Variants in AHCY observed in about 807,000 individuals in gnomAD.
The protein encoded by AHCY is S-adenosyl-L-homocysteine hydrolase.
AHCY carries 24 observed loss-of-function variants against 45.4 expected under a neutral mutation model. The ratio of observed to expected loss-of-function variants is 0.53; its 90% CI spans 0.38 to 0.74. AHCY has a LOEUF of 0.74. Ranked by LOEUF, AHCY falls within the 30% of genes least tolerant of loss-of-function variation. The pLI is 0.00. For synonymous variants in AHCY, 245 were observed against 235.1 expected (o/e 1.04, Z -0.39); for missense variants, 449 against 594.1 (o/e 0.76, Z 2.54).
At chr20:34,251,565 C>T in the AHCY span, among the ~76,000 whole-genome samples, 100 of 152,280 alleles carry the variant, frequency 6.6e-4, no homozygotes, top group Middle Eastern at 3.4e-3. Flanking sequence ...TGAGCCACCG[C>T]GCCTGACCTT....
At chr20:34,255,597 ATTAG>A in the AHCY span, among the ~76,000 whole-genome samples, 1 of 152,262 alleles carries the variant, frequency 6.6e-6, no homozygotes, top group South Asian at 2.1e-4. Flanking sequence ...ATCATTAATC[ATTAG>A]TTTGTAGCAT....
At chr20:34,291,918 A>G (rs2036409621) in intron 4 of AHCY, among the ~76,000 whole-genome samples, 1 of 152,232 alleles carries the variant, frequency 6.6e-6, no homozygotes, top group African/African-American at 2.4e-5. Flanking sequence ...TCTGCAAATC[A>G]GGTCAAACAC....
At chr20:34,251,624 A>G in the AHCY span, among the ~76,000 whole-genome samples, 3 of 152,214 alleles carry the variant, frequency 2.0e-5, no homozygotes, top group Non-Finnish European at 2.9e-5. Flanking sequence ...CAGGGAGGCA[A>G]GAATTGGAAA....
the AHCY span, among the ~76,000 whole-genome samples, chr20:34,235,501 G>A: frequency 3.9e-5 from 6 of 152,038 alleles, no homozygotes; most frequent in African/African-American, 1.2e-4. Context: ...AAAAGTTCAC[G>A]AAGGTTCTAT....
chr20:34,244,310 C>A, the AHCY span, among the ~76,000 whole-genome samples: 1 of 152,192 alleles, frequency 6.6e-6, no homozygotes, highest in Non-Finnish European at 1.5e-5. Context: ...GTTTCACTTG[C>A]TATTTCCAGG....
the AHCY span, among the ~76,000 whole-genome samples, chr20:34,255,582 T>A: frequency 6.6e-6 from 1 of 152,218 alleles, no homozygotes; most frequent in Non-Finnish European, 1.5e-5. Context: ...TGATTATATA[T>A]GAATATCATT....
chr20:34,302,390 T>C (rs895269411), intron 1 of AHCY: 3 of 162,698 alleles, frequency 1.8e-5, no homozygotes, highest in Non-Finnish European at 2.6e-5. Context: ...GTGTATTCGC[T>C]TGCACACAGT....
intron 1 of AHCY, among the ~76,000 whole-genome samples, chr20:34,297,221 A>C (rs2036602898): frequency 6.6e-6 from 1 of 151,866 alleles, no homozygotes; most frequent in East Asian, 1.9e-4. Context: ...CCGACCCTCC[A>C]CTGCACCGGA....
the AHCY span, among the ~76,000 whole-genome samples, chr20:34,270,248 G>GT: frequency 2.0e-5 from 3 of 149,644 alleles, no homozygotes; most frequent in Non-Finnish European, 3.0e-5. Context: ...TGAAACTCTG[G>GT]TTAAAAAAAA....
At chr20:34,283,353 A>C (rs1003343020) in intron 9 of AHCY, among the ~76,000 whole-genome samples, 1 of 152,126 alleles carries the variant, frequency 6.6e-6, no homozygotes, top group African/African-American at 2.4e-5. Context: ...TGGATCACTC[A>C]TCTCTCAAGG....
chr20:34,302,080 A>T (rs972144977), intron 1 of AHCY: 2 of 723,786 alleles, frequency 2.8e-6, no homozygotes, highest in Non-Finnish European at 3.4e-6. Flanking sequence ...GGCTCACTGC[A>T]ACCTCCGTCT....
chr20:34,297,499 T>C (rs1272831561), intron 1 of AHCY, among the ~76,000 whole-genome samples: 1 of 152,084 alleles, frequency 6.6e-6, no homozygotes, highest in South Asian at 2.1e-4. Flanking sequence ...GGTTTCACCA[T>C]GTTGGCCAGG....
chr20:34,237,898 CAATT>C, the AHCY span, among the ~76,000 whole-genome samples: 1 of 152,060 alleles, frequency 6.6e-6, no homozygotes, highest in Non-Finnish European at 1.5e-5. Context: ...TTTCCTGCAT[CAATT>C]GAGATAATCT....
chr20:34,273,796 G>A, the AHCY span, among the ~76,000 whole-genome samples: 1 of 152,098 alleles, frequency 6.6e-6, no homozygotes, highest in Admixed American at 6.6e-5. Context: ...GTTGGGAGCG[G>A]GTATTGGGTT....
chr20:34,258,887 TTATATATATAGTGTA>T, the AHCY span, among the ~76,000 whole-genome samples: 6 of 130,604 alleles, frequency 4.6e-5, no homozygotes, highest in Non-Finnish European at 6.3e-5. Context: ...ATATATAGTA[TTATATATATAGTGTA>T]TATATATATA....
At chr20:34,235,837 GAAAGAAGGAAGGAAGGAAGGAAGGAAGGA>G in the AHCY span, among the ~76,000 whole-genome samples, 2 of 59,744 alleles carry the variant, frequency 3.3e-5, no homozygotes, top group African/African-American at 2.0e-4. Flanking sequence ...AAGAAAGAAA[GAAAGAAGGAAGGAAGGAAGGAAGGAAGGA>G]AAGGAAGGAA....
At chr20:34,246,162 C>T in the AHCY span, 1 of 1,042,598 alleles carries the variant, frequency 9.6e-7, no homozygotes, top group Non-Finnish European at 1.5e-6. Context: ...ACTCTTGTCA[C>T]ATGTTTCTTC....
At chr20:34,286,558 C>G (rs1338764670) in intron 8 of AHCY, 2 of 152,208 alleles carry the variant, frequency 1.3e-5, no homozygotes, top group African/African-American at 4.8e-5. Context: ...CCAGGCCAGA[C>G]GCGGTGGCTC....
chr20:34,298,386 TAC>T (rs1482355992), intron 1 of AHCY, among the ~76,000 whole-genome samples: 1 of 151,940 alleles, frequency 6.6e-6, no homozygotes, highest in Non-Finnish European at 1.5e-5. Flanking sequence ...AACCAGGCCA[TAC>T]AGAGATAGGA....
Sources: gnomAD v4.1 joint callset for allele counts (sites outside exome capture counted in the v4.1 genomes callset) on GRCh38, gnomAD v4.1.1 for gene constraint, MANE v1.5 for transcripts, NCBI Gene and HGNC (gene_info 2026-07-23, HGNC 2026-07-21) for gene names.